Variants in CDH8 observed in about 807,000 individuals in gnomAD.
CDH8 encodes the protein cadherin-8.
A neutral mutation model predicts 68.1 loss-of-function variants in CDH8; 17 were observed. The observed-to-expected ratio is 0.25, with a 90% CI of 0.17 to 0.37. The LOEUF is 0.37. Among genes scored for constraint, CDH8 ranks in the 10% least tolerant of loss-of-function variants. The probability of loss-of-function intolerance (pLI) is 1.00; values close to 1 mark genes in which losing one functional copy is unlikely to be tolerated. For missense variants in CDH8, 763 were observed against 999.3 expected (o/e 0.76, Z 3.19); for synonymous variants, 372 against 365.1 (o/e 1.02, Z -0.21).
At chr16:61,868,824 G>C (rs1448635582) in intron 3 of CDH8, among the ~76,000 whole-genome samples, 1 of 152,104 alleles carries the variant, frequency 6.6e-6, no homozygotes, top group African/African-American at 2.4e-5. Flanking sequence ...AAAACTCTAC[G>C]TGACATAATT....
intron 10 of CDH8, among the ~76,000 whole-genome samples, chr16:61,700,504 C>A (rs1158443786): frequency 6.6e-6 from 1 of 152,084 alleles, no homozygotes; most frequent in African/African-American, 2.4e-5. Flanking sequence ...TGGTCTCGAT[C>A]TCTTAACCTT....
intron 8 of CDH8, among the ~76,000 whole-genome samples, chr16:61,779,079 C>T (rs1960973338): frequency 6.6e-6 from 1 of 152,162 alleles, no homozygotes; most frequent in Admixed American, 6.5e-5. Flanking sequence ...CAATTATATG[C>T]TTCCTGCTTT....
intron 3 of CDH8, among the ~76,000 whole-genome samples, chr16:61,896,659 C>T (rs928460226): frequency 2.0e-5 from 3 of 152,184 alleles, no homozygotes; most frequent in Non-Finnish European, 4.4e-5. Flanking sequence ...AATGCAGCCG[C>T]CTCTGCTTCC....
At position 62,021,380 on chromosome 16, in the gene CDH8, C is replaced by G. The variant is rs764463963; in HGVS notation, c.24G>C (p.Met8Ile). Residue 8 changes from methionine to isoleucine, a missense_variant, in exon 2 of 12, where the codon ATG (methionine) becomes ATC (isoleucine). Physicochemically the swap from Met to Ile is conservative, Grantham distance 10 (BLOSUM62 1). Coordinates refer to ENST00000577390, the MANE Select transcript of CDH8 (RefSeq NM_001796.5). ...TTAATGGAGTCCAGAGATCCAAGAGCATTTCCGCTAGCCGTTCTGGCATGG... is the reference window on the plus strand; with the variant it reads ...TTAATGGAGTCCAGAGATCCAAGAGGATTTCCGCTAGCCGTTCTGGCATGG... Reference protein sequence around the residue: MPERLAEMLLDLWTPLII... With the variant: MPERLAEILLDLWTPLII... 1 of 1,611,078 alleles carries G rather than the reference C, an allele frequency of 6.2e-7. No homozygotes were observed. The highest frequency in any genetic ancestry group is 1.1e-5 in the South Asian group (1 of 90,858).
intron 10 of CDH8, among the ~76,000 whole-genome samples, chr16:61,668,469 T>G (rs930565721): frequency 2.6e-5 from 4 of 152,082 alleles, no homozygotes; most frequent in Admixed American, 6.6e-5. Flanking sequence ...AGACTAATAT[T>G]ACTTTCATTT....
intron 2 of CDH8, among the ~76,000 whole-genome samples, chr16:61,902,398 G>C (rs573477696): frequency 6.6e-6 from 1 of 151,722 alleles, no homozygotes; most frequent in Admixed American, 6.6e-5. Context: ...TATTATACAC[G>C]GTGTCTCTCC....
At chr16:61,794,395 G>T (rs207476046) in intron 7 of CDH8, among the ~76,000 whole-genome samples, 1 of 151,770 alleles carries the variant, frequency 6.6e-6, no homozygotes, top group Non-Finnish European at 1.5e-5. Flanking sequence ...TGTAAAATGG[G>T]GATTGTACCA....
At chr16:61,932,063 C>T (rs368187548) in intron 2 of CDH8, among the ~76,000 whole-genome samples, 2 of 151,756 alleles carry the variant, frequency 1.3e-5, no homozygotes, top group African/African-American at 2.4e-5. Context: ...AAAAATTAGC[C>T]GGGCGTGGTG....
intron 8 of CDH8, among the ~76,000 whole-genome samples, chr16:61,779,454 TGTGTGTGTGTGCGC>T (rs1427191220): frequency 1.3e-5 from 2 of 149,614 alleles, no homozygotes; most frequent in East Asian, 4.3e-4. Flanking sequence ...TGTGTGTGTG[TGTGTGTGTGTGCGC>T]GCATGGTGAG....
intron 2 of CDH8, among the ~76,000 whole-genome samples, chr16:61,915,019 T>C (rs559475324): frequency 6.6e-6 from 1 of 152,338 alleles, no homozygotes; most frequent in East Asian, 1.9e-4. Flanking sequence ...ATGTAAGTAA[T>C]AGAATTGTTG....
intron 2 of CDH8, among the ~76,000 whole-genome samples, chr16:61,921,250 A>G (rs1964361511): frequency 8.8e-6 from 1 of 113,052 alleles, no homozygotes; most frequent in Non-Finnish European, 1.8e-5. Context: ...AACTTAAAGT[A>G]TAATAATAAT....
chr16:62,031,770 A>G (rs1003826477), intron 1 of CDH8, among the ~76,000 whole-genome samples: 3 of 122,166 alleles, frequency 2.5e-5, no homozygotes, highest in African/African-American at 9.3e-5. Context: ...CCCAGGAAAT[A>G]AAGCTTAAAA....
At chr16:61,746,697 T>C (rs911021833) in intron 8 of CDH8, among the ~76,000 whole-genome samples, 1 of 151,928 alleles carries the variant, frequency 6.6e-6, no homozygotes, top group African/African-American at 2.4e-5. Context: ...AGGACTCTAA[T>C]CCTCCGTGAG....
intron 8 of CDH8, among the ~76,000 whole-genome samples, chr16:61,764,730 C>T (rs889825329): frequency 6.6e-6 from 1 of 151,848 alleles, no homozygotes; most frequent in African/African-American, 2.4e-5. Context: ...AATATTTTAC[C>T]CCCCTTCCCT....
At chr16:61,919,016 C>CCCT (rs1964309432) in intron 2 of CDH8, among the ~76,000 whole-genome samples, 1 of 147,424 alleles carries the variant, frequency 6.8e-6, no homozygotes, top group African/African-American at 2.5e-5. Flanking sequence ...CCCTGACCCC[C>CCCT]GAGCAGCCTA....
chr16:62,006,137 G>A (rs958047849), intron 2 of CDH8, among the ~76,000 whole-genome samples: 3 of 152,192 alleles, frequency 2.0e-5, no homozygotes, highest in Non-Finnish European at 4.4e-5. Flanking sequence ...CCAAAGGTCT[G>A]GTTTCTAGTG....
chr16:62,027,360 C>A (rs1394036798), intron 1 of CDH8, among the ~76,000 whole-genome samples: 1 of 152,142 alleles, frequency 6.6e-6, no homozygotes, highest in East Asian at 1.9e-4. Flanking sequence ...CATATTACAC[C>A]ATCCGTTTTG....
intron 3 of CDH8, among the ~76,000 whole-genome samples, chr16:61,866,258 T>C (rs1963251383): frequency 6.6e-6 from 1 of 152,034 alleles, no homozygotes; most frequent in South Asian, 2.1e-4. Flanking sequence ...TTCATTCTAT[T>C]TGAGTAAATG....
intron 8 of CDH8, among the ~76,000 whole-genome samples, chr16:61,740,531 C>G (rs554803522): frequency 3.3e-5 from 5 of 152,242 alleles, no homozygotes; most frequent in African/African-American, 1.2e-4. Flanking sequence ...GCCAATACCC[C>G]AGAAGCCTTT....
Sources: gnomAD v4.1 joint callset for allele counts (sites outside exome capture counted in the v4.1 genomes callset) on GRCh38, gnomAD v4.1.1 for gene constraint, MANE v1.5 for transcripts, NCBI Gene and HGNC (gene_info 2026-07-23, HGNC 2026-07-21) for gene names.